EMSY: variants seen among roughly 807,000 people sequenced by gnomAD.
EMSY encodes BRCA2-interacting transcriptional repressor EMSY.
In EMSY, 26 loss-of-function variants were observed where a neutral mutation model predicts 134.6. The ratio of observed to expected loss-of-function variants is 0.19; its 90% CI spans 0.14 to 0.27. The LOEUF is 0.27. Ranked by LOEUF, EMSY falls within the 10% of genes least tolerant of loss-of-function variation. The pLI, the probability that EMSY is intolerant of heterozygous loss-of-function variation, is 1.00. For missense variants in EMSY, 1,305 were observed against 1,611.4 expected (o/e 0.81, Z 3.26); for synonymous variants, 579 against 577.8 (o/e 1.00, Z -0.03).
chr11:76,455,396 A>T (rs986801199), intron 4 of EMSY, among the ~76,000 whole-genome samples: 2 of 152,132 alleles, frequency 1.3e-5, no homozygotes, highest in Non-Finnish European at 2.9e-5. Flanking sequence ...AGGAAGGAAT[A>T]GATCTCTCAT....
At chr11:76,535,049 T>C (rs189596603) in intron 14 of EMSY, among the ~76,000 whole-genome samples, 4 of 152,310 alleles carry the variant, frequency 2.6e-5, no homozygotes, top group African/African-American at 7.2e-5. Flanking sequence ...GTAATTTATT[T>C]TGAAACTAAC....
At chr11:76,526,375 TG>T in intron 12 of EMSY, 86 bp from the exon 14 acceptor site, 1 of 970,152 alleles carries the variant, frequency 1.0e-6, no homozygotes, top group Non-Finnish European at 1.4e-6. Flanking sequence ...TTCATCATCC[TG>T]GTAAAACCTT....
At chr11:76,469,622 C>CTA (rs1948495431) in intron 7 of EMSY, among the ~76,000 whole-genome samples, 1 of 152,164 alleles carries the variant, frequency 6.6e-6, no homozygotes, top group African/African-American at 2.4e-5. Flanking sequence ...TGACAACCTG[C>CTA]TGTGTGCCTA....
At chr11:76,522,667 G>A (rs1950691369) in intron 11 of EMSY, among the ~76,000 whole-genome samples, 1 of 151,944 alleles carries the variant, frequency 6.6e-6, no homozygotes, top group South Asian at 2.1e-4. Context: ...GGCCTACTTT[G>A]TCTTTTTTAA....
At chr11:76,544,895 C>T (rs1951585706) in intron 19 of EMSY, 73 bp downstream of exon 20, 2 of 1,464,288 alleles carry the variant, frequency 1.4e-6, no homozygotes, top group Admixed American at 1.9e-5. Context: ...CATCACGACC[C>T]TATCATGATA....
At chr11:76,464,847 T>TA (rs1296690822) in intron 7 of EMSY, among the ~76,000 whole-genome samples, 1 of 152,212 alleles carries the variant, frequency 6.6e-6, no homozygotes, top group Admixed American at 6.5e-5. Flanking sequence ...CCACTTTTTT[T>TA]ATGGTTTAAC....
At chr11:76,465,224 C>T (rs1948300259) in intron 7 of EMSY, among the ~76,000 whole-genome samples, 1 of 152,142 alleles carries the variant, frequency 6.6e-6, no homozygotes, top group South Asian at 2.1e-4. Context: ...TTATCTTTCT[C>T]ATTTCCATTT....
exon 21 of EMSY, chr11:76,550,360 G>C: frequency 3.1e-6 from 1 of 326,084 alleles, no homozygotes; most frequent in Non-Finnish European, 5.5e-6. Context: ...AAATGAAAAA[G>C]AAAAAAAAAG....
intron 14 of EMSY, among the ~76,000 whole-genome samples, chr11:76,529,403 A>C (rs1950955337): frequency 6.6e-6 from 1 of 152,176 alleles, no homozygotes; most frequent in South Asian, 2.1e-4. Context: ...TCTTTGGTGG[A>C]GTCTTCCTTG....
At position 76,463,900 on chromosome 11, in the gene EMSY, A is replaced by G. The variant is rs1162151657; in HGVS notation, c.651A>G (p.Leu217=). 3 of 1,614,112 alleles carry G rather than the reference A, an allele frequency of 1.9e-6. No homozygotes were observed. In the African/African-American group the frequency reaches 4.0e-5, roughly 22 times the overall value. Residue 217 remains leucine (L), a synonymous_variant, in exon 7 of 21, where the codon CTA becomes CTG. Transcript: ENST00000334736. ...CTTCCAGCTCCTCTCCTGTTGTTCT[A>G]AAGGAAGTTCCAAAGGCCGTTGTTC... is the stretch of plus-strand genomic sequence containing the variant.
At chr11:76,467,903 C>T (rs944030487) in intron 7 of EMSY, among the ~76,000 whole-genome samples, 16 of 151,490 alleles carry the variant, frequency 1.1e-4, no homozygotes, top group Non-Finnish European at 1.9e-4. Flanking sequence ...CGCTTGAACC[C>T]GGGAGACAGA....
At chr11:76,542,730 TTG>T (rs1191081329) in intron 18 of EMSY, among the ~76,000 whole-genome samples, 2 of 146,036 alleles carry the variant, frequency 1.4e-5, no homozygotes, top group African/African-American at 5.3e-5. Context: ...GCTGCTGGGT[TTG>T]TAGTTTGTTT....
chr11:76,499,620 C>A (rs1008894713), intron 9 of EMSY, among the ~76,000 whole-genome samples: 1 of 152,100 alleles, frequency 6.6e-6, no homozygotes, highest in Non-Finnish European at 1.5e-5. Flanking sequence ...ATATTTAGAT[C>A]ATTTACATTT....
chr11:76,491,808 G>GTGAA (rs546997862), intron 8 of EMSY, among the ~76,000 whole-genome samples: 1 of 152,206 alleles, frequency 6.6e-6, no homozygotes, highest in Non-Finnish European at 1.5e-5. Flanking sequence ...AGTCTCCAGA[G>GTGAA]TGAACTCTGT....
intron 8 of EMSY, among the ~76,000 whole-genome samples, chr11:76,473,288 T>A (rs1948644857): frequency 6.6e-6 from 1 of 151,924 alleles, no homozygotes; most frequent in Non-Finnish European, 1.5e-5. Context: ...TTTTCTTCAG[T>A]CTCCTACATT....
intron 1 of EMSY, among the ~76,000 whole-genome samples, chr11:76,446,309 A>G (rs1200575033): frequency 1.2e-5 from 1 of 80,494 alleles, no homozygotes; most frequent in Non-Finnish European, 2.7e-5. Context: ...GAGTATATAT[A>G]TATGTGTGTG....
intron 2 of EMSY, among the ~76,000 whole-genome samples, chr11:76,450,223 T>C (rs144915482): frequency 1.3e-5 from 2 of 152,322 alleles, no homozygotes; most frequent in African/African-American, 4.8e-5. Context: ...ATCTGTTGAA[T>C]AAAATATTTC....
intron 12 of EMSY, among the ~76,000 whole-genome samples, chr11:76,524,990 C>T (rs1277800256): frequency 6.6e-6 from 1 of 152,206 alleles, no homozygotes; most frequent in East Asian, 1.9e-4. Context: ...GTACTCCAGC[C>T]TGGGTGACAG....
At chr11:76,450,840 C>T (rs910266148) in intron 2 of EMSY, among the ~76,000 whole-genome samples, 2 of 147,196 alleles carry the variant, frequency 1.4e-5, no homozygotes, top group African/African-American at 5.0e-5. Flanking sequence ...GTTGCCCAGG[C>T]TGGAGTGCGG....
Sources: gnomAD v4.1 joint callset for allele counts (sites outside exome capture counted in the v4.1 genomes callset) on GRCh38, gnomAD v4.1.1 for gene constraint, MANE v1.5 for transcripts, NCBI Gene and HGNC (gene_info 2026-07-23, HGNC 2026-07-21) for gene names.